The following TPPP variants were observed in gnomAD, a reference collection of about 807,000 sequenced individuals.
TPPP encodes the protein tubulin polymerization-promoting protein.
TPPP carries 6 observed loss-of-function variants against 15.5 expected under a neutral mutation model. That is an observed-to-expected ratio of 0.39 (90% CI 0.21 to 0.77). The LOEUF (loss-of-function observed/expected upper bound fraction) is 0.77, where lower values mean the gene tolerates loss of function less well. Ranked by LOEUF, TPPP falls within the 30% of genes least tolerant of loss-of-function variation. The probability of loss-of-function intolerance (pLI) is 0.42; values close to 1 mark genes in which losing one functional copy is unlikely to be tolerated. For missense variants in TPPP, 269 were observed against 307.2 expected (o/e 0.88, Z 0.93); for synonymous variants, 146 against 133.9 (o/e 1.09, Z -0.63).
At chr5:666,196 G>A in intron 2 of TPPP, 73 bp from the exon 3 acceptor site, 5 of 1,550,950 alleles carry the variant, frequency 3.2e-6, no homozygotes, top group Non-Finnish European at 3.5e-6. Flanking sequence ...GTGGGTCTGA[G>A]CAGAGCTGGA....
At position 662,548 on chromosome 5, in the gene TPPP, A is replaced by C. The variant is rs904006349; in HGVS notation, c.*2554T>G. 6 of 152,510 alleles carry C rather than the reference A, an allele frequency of 3.9e-5. No individual in the cohort carries two copies. The highest frequency in any genetic ancestry group is 7.2e-5 in the African/African-American group (3 of 41,582). The allele number at this position is 152,510 out of a possible 1,614,324, so 9.4% of individuals were successfully genotyped here. On this transcript the variant is annotated 3_prime_UTR_variant, in exon 4 of 4. Coordinates refer to ENST00000360578, the MANE Select transcript of TPPP (RefSeq NM_007030.3). ...TCCGTCCTGACCCGGCGCCAGGCTC[A>C]GCTCCAGGGCGAGGTCCTCTGGAGT...
chr5:673,167 AC>A (rs1740282282), intron 2 of TPPP, among the ~76,000 whole-genome samples: 1 of 149,206 alleles, frequency 6.7e-6, no homozygotes, highest in Non-Finnish European at 1.5e-5. Context: ...AGCAACTCCC[AC>A]AGGCCCGCCG....
rs1739779725 is a variant in TPPP at position 663,750 on chromosome 5, C to G, written c.*1352G>C. 6.6e-6 allele frequency: 1 copy of G among 152,462 alleles called. No individual in the cohort carries two copies. Among genetic ancestry groups the G allele is most frequent in the Non-Finnish European group, 1.5e-5 (1 of 68,168 alleles). 9.4% of individuals were successfully genotyped at this position (152,462 alleles called of 1,614,324 possible). On this transcript the variant is annotated 3_prime_UTR_variant, in exon 4 of 4. Coordinates refer to ENST00000360578, the MANE Select transcript of TPPP (RefSeq NM_007030.3). ...GAGCCTGACCGTAGCCACGGGCTAA[C>G]AGGCTCTGGAAAAGTTTCCCCAGGA...
intron 2 of TPPP, among the ~76,000 whole-genome samples, chr5:673,763 C>G (rs1423182906): frequency 6.6e-6 from 1 of 152,182 alleles, no homozygotes; most frequent in African/African-American, 2.4e-5. Flanking sequence ...CTTTAGCCCC[C>G]CAAGCGCCTG....
chr5:696,613 C>T (rs1288524995), upstream of TPPP, among the ~76,000 whole-genome samples: 3 of 121,932 alleles, frequency 2.5e-5, no homozygotes, highest in Non-Finnish European at 3.8e-5. Flanking sequence ...AGTGAAGTAA[C>T]GACGTGCCTG....
intron 2 of TPPP, among the ~76,000 whole-genome samples, chr5:669,925 G>C (rs1048714764): frequency 6.6e-6 from 1 of 152,170 alleles, no homozygotes; most frequent in African/African-American, 2.4e-5. Context: ...CCAGAGACCA[G>C]GGTGCTGGAG....
At chr5:676,959 G>A (rs369644335) in intron 2 of TPPP, among the ~76,000 whole-genome samples, 4 of 146,638 alleles carry the variant, frequency 2.7e-5, no homozygotes, top group East Asian at 2.0e-4. Context: ...ACGCGCACAC[G>A]TGCACACAGA....
At position 683,533 on chromosome 5, in the gene TPPP, G is replaced by T. The variant is rs142418609; in HGVS notation, c.-4-5469C>A. Among the ~76,000 whole-genome samples the T allele has an allele frequency of 3.2e-3, 492 of 152,340 alleles. 4 individuals are homozygous for T. Among genetic ancestry groups the T allele is most frequent in the African/African-American group, 0.011 (465 of 41,576 alleles). ...GGTGATTTGGAGGCCTGGGGCCTGG[G>T]TGGGAGCTGCTCCCTCTACCCCTGG... On this transcript the variant is annotated intron_variant, in intron 1 of 3. Coordinates refer to ENST00000360578, the MANE Select transcript of TPPP (RefSeq NM_007030.3).
chr5:686,060 G>C (rs1338786589), intron 1 of TPPP, among the ~76,000 whole-genome samples: 1 of 152,232 alleles, frequency 6.6e-6, no homozygotes. Context: ...ACGGGTCTGA[G>C]ATGGCTGTCC....
At position 677,936 on chromosome 5, in the gene TPPP, GC is replaced by G; in HGVS notation, c.124del (p.Ala42GlnfsTer44). The G allele has an allele frequency of 6.2e-7, 1 of 1,612,290 alleles. No homozygotes were observed. The highest frequency in any genetic ancestry group is 1.1e-5 in the South Asian group (1 of 91,042). On this transcript the variant is annotated frameshift_variant, in exon 2 of 4. Coordinates refer to ENST00000360578, the MANE Select transcript of TPPP (RefSeq NM_007030.3). LOFTEE classifies it high-confidence loss of function. ...SLESEGAGEG[A>X]AASPELSALE... ...GGCACTGAGCTCAGGGGATGCGGCTGCCCCCTCACCAGCACCCTCCGATTCC... is the reference window on the plus strand; with the variant it reads ...GGCACTGAGCTCAGGGGATGCGGCTGCCCCTCACCAGCACCCTCCGATTCC...
chr5:677,510 C>A (rs748630466), intron 2 of TPPP, among the ~76,000 whole-genome samples: 44 of 152,336 alleles, frequency 2.9e-4, no homozygotes, highest in Non-Finnish European at 5.9e-4. Context: ...CTGAGAGGAG[C>A]CAGGGCTGCC....
intron 2 of TPPP, among the ~76,000 whole-genome samples, chr5:668,519 C>T (rs1561082343): frequency 1.3e-5 from 2 of 151,896 alleles, no homozygotes; most frequent in Non-Finnish European, 2.9e-5. Flanking sequence ...AGCGAGGCCC[C>T]TGCACACTCT....
chr5:674,512 C>A (rs2126891311), intron 2 of TPPP, among the ~76,000 whole-genome samples: 1 of 152,258 alleles, frequency 6.6e-6, no homozygotes, highest in African/African-American at 2.4e-5. Context: ...GGACACGTCC[C>A]CTTGGCAGAG....
intron 1 of TPPP, chr5:692,574 G>A (rs984576036): frequency 5.1e-6 from 5 of 981,650 alleles, no homozygotes; most frequent in Non-Finnish European, 6.0e-6. Context: ...CCTCGGCTCC[G>A]TTTACGTAAC....
chr5:673,686 G>T (rs1740301506), intron 2 of TPPP, among the ~76,000 whole-genome samples: 1 of 152,208 alleles, frequency 6.6e-6, no homozygotes, highest in South Asian at 2.1e-4. Context: ...AGCCAAGGCT[G>T]GCACACCCCA....
chr5:665,957 C>A lies in TPPP; in HGVS notation c.465+13G>T. 1 of 1,576,128 alleles carries A rather than the reference C, an allele frequency of 6.3e-7. No individual in the cohort carries two copies. The highest frequency in any genetic ancestry group is 8.6e-7 in the Non-Finnish European group (1 of 1,168,584). ...CCCCTCCAGGCCCCGCCTTCCATCC[C>A]CGCCCTGCTCACCGTCACCCCTGAG... On this transcript the variant is annotated intron_variant, in intron 3 of 3. Coordinates refer to ENST00000360578, the MANE Select transcript of TPPP (RefSeq NM_007030.3).
chr5:693,556 T>C (rs1233040528), upstream of TPPP, among the ~76,000 whole-genome samples: 1 of 151,328 alleles, frequency 6.6e-6, no homozygotes, highest in African/African-American at 2.4e-5. Context: ...AGGCCGACTC[T>C]GCTCAGGCCC....
At chr5:667,476 GAGA>G (rs573260067) in intron 2 of TPPP, among the ~76,000 whole-genome samples, 1 of 152,294 alleles carries the variant, frequency 6.6e-6, no homozygotes, top group South Asian at 2.1e-4. Flanking sequence ...GAACACCAAA[GAGA>G]AGATCTCTGT....
chr5:695,973 G>A (rs148161700), upstream of TPPP, among the ~76,000 whole-genome samples: 15,651 of 108,284 alleles, frequency 0.14, 218 homozygotes, highest in African/African-American at 0.24. Context: ...CTGTTTCCAC[G>A]GCTTCCTGCA....
Sources: allele counts gnomAD v4.1 joint callset (sites outside exome capture counted in the v4.1 genomes callset), GRCh38; gene constraint gnomAD v4.1.1; transcripts MANE v1.5; gene names NCBI Gene and HGNC (gene_info 2026-07-23, HGNC 2026-07-21).